Variants in DMD observed in about 807,000 individuals in gnomAD.
DMD encodes mutant dystrophin.
Under a neutral mutation model 330.1 loss-of-function variants are expected in DMD, and 63 were observed. The ratio of observed to expected loss-of-function variants is 0.19; its 90% confidence interval spans 0.16 to 0.24. The LOEUF (loss-of-function observed/expected upper bound fraction) is 0.24, where lower values mean the gene tolerates loss of function less well. Among genes scored for constraint, DMD ranks in the 10% least tolerant of loss-of-function variants. The pLI is 1.00. For missense variants in DMD, 3,344 were observed against 2,684.1 expected (o/e 1.25, Z -5.43); for synonymous variants, 1,223 against 959.8 (o/e 1.27, Z -5.07).
At chrX:32,043,338 A>C (rs1348552601) in intron 44 of DMD, among the ~76,000 whole-genome samples, 2 of 111,367 alleles carry the variant, frequency 1.8e-5, no homozygotes, top group East Asian at 5.7e-4. Flanking sequence ...CTCAGTGGAT[A>C]GTGACTTTTG....
At chrX:33,006,391 A>G (rs753824121) in intron 2 of DMD, among the ~76,000 whole-genome samples, 12 of 112,237 alleles carry the variant, frequency 1.1e-4, no homozygotes, top group Non-Finnish European at 2.1e-4. Flanking sequence ...GCAAAATAAT[A>G]GACAAATACA....
chrX:33,251,451 G>C (rs1207976008), intron 1 of DMD, among the ~76,000 whole-genome samples: 1 of 111,489 alleles, frequency 9.0e-6, no homozygotes, highest in African/African-American at 3.3e-5. Flanking sequence ...TGATTGGCCA[G>C]GCTAATCATG....
intron 42 of DMD, among the ~76,000 whole-genome samples, chrX:32,292,712 A>G (rs760472545): frequency 8.9e-6 from 1 of 112,059 alleles, no homozygotes; most frequent in South Asian, 3.7e-4. Flanking sequence ...AAACTTCACA[A>G]TCAGAGAGGG....
intron 53 of DMD, among the ~76,000 whole-genome samples, chrX:31,674,243 G>A (rs1026022315): frequency 3.6e-5 from 4 of 112,034 alleles, no homozygotes; most frequent in African/African-American, 1.3e-4. Context: ...AAAATGTAAG[G>A]CACTACTTCC....
chrX:32,826,413 A>C (rs1389908289), intron 4 of DMD, among the ~76,000 whole-genome samples: 2 of 111,709 alleles, frequency 1.8e-5, no homozygotes, highest in East Asian at 5.6e-4. Flanking sequence ...TACTCAAAAT[A>C]GCGAAGATAG....
chrX:32,078,457 T>A (rs773948975), intron 44 of DMD, among the ~76,000 whole-genome samples: 35 of 111,979 alleles, frequency 3.1e-4, no homozygotes, highest in African/African-American at 1.1e-3. Context: ...AAGCTAATAC[T>A]CTCCAATCAC....
chrX:33,009,425 T>C (rs2093552511), intron 2 of DMD, among the ~76,000 whole-genome samples: 2 of 33,630 alleles, frequency 5.9e-5, no homozygotes, highest in Non-Finnish European at 1.2e-4. Flanking sequence ...CATGTGTGTA[T>C]ATGTATGTGT....
In DMD at chrX:33,041,600, G is replaced by T. The variant is rs1382697017; in HGVS notation, c.32-21400C>A. 8 of 1,207,889 alleles carry T rather than the reference G, an allele frequency of 6.6e-6. No homozygotes were observed. In the Admixed American group the frequency reaches 1.3e-4, roughly 20 times the overall value. Reference sequence around the variant, plus strand: ...CGGATGATGATCCCAGATTGCCAGCGCAGGTTGGAAGCCGCATATTTGGAT... The same window carrying T: ...CGGATGATGATCCCAGATTGCCAGCTCAGGTTGGAAGCCGCATATTTGGAT... On this transcript the variant is annotated intron_variant, in intron 1 of 78. Transcript: ENST00000357033.
At chrX:33,120,878 CAAAAAAAAAAA>C (rs1171070469) in intron 1 of DMD, among the ~76,000 whole-genome samples, 2 of 36,689 alleles carry the variant, frequency 5.5e-5, no homozygotes, top group Non-Finnish European at 8.4e-5. Flanking sequence ...ATGACTCTCT[CAAAAAAAAAAA>C]AAAAAAAAAA....
At chrX:31,201,203 A>G (rs970861779) in intron 67 of DMD, among the ~76,000 whole-genome samples, 3 of 107,505 alleles carry the variant, frequency 2.8e-5, no homozygotes, top group Non-Finnish European at 3.9e-5. Flanking sequence ...ACACACGCAC[A>G]CACACACACA....
intron 55 of DMD, among the ~76,000 whole-genome samples, chrX:31,543,587 T>C (rs1415057007): frequency 3.5e-5 from 4 of 112,690 alleles, no homozygotes; most frequent in Admixed American, 1.9e-4. Flanking sequence ...AATACATTTC[T>C]ATTTTGTTTA....
At chrX:31,184,410 T>C (rs1018354113) in intron 67 of DMD, among the ~76,000 whole-genome samples, 1 of 106,274 alleles carries the variant, frequency 9.4e-6, no homozygotes, top group Non-Finnish European at 1.9e-5. Flanking sequence ...AAAACCACAA[T>C]GAGATACCAT....
At chrX:31,552,800 A>T (rs1037138498) in intron 55 of DMD, among the ~76,000 whole-genome samples, 9 of 112,042 alleles carry the variant, frequency 8.0e-5, no homozygotes, top group Non-Finnish European at 7.5e-5. Context: ...CAAATTTCTT[A>T]TCTATTTCCT....
intron 60 of DMD, among the ~76,000 whole-genome samples, chrX:31,379,183 C>T (rs1042455151): frequency 3.6e-5 from 4 of 109,791 alleles, no homozygotes; most frequent in Non-Finnish European, 5.7e-5. Flanking sequence ...CTCCCCTCCT[C>T]GCCAGGCCCA....
intron 55 of DMD, among the ~76,000 whole-genome samples, chrX:31,525,611 AT>A (rs1427927617): frequency 8.9e-6 from 1 of 112,248 alleles, no homozygotes; most frequent in African/African-American, 3.2e-5. Context: ...GTAAAATAAC[AT>A]CTTTGTAGGC....
In DMD at chrX:31,908,710, G is replaced by GTA. The variant is rs1467588301; in HGVS notation, c.6912+20884_6912+20885dup. On this transcript the variant is annotated intron_variant, in intron 47 of 78. Transcript: ENST00000357033. ...GTGCACATGTACCCTAGAACTTCAAGTATATATATATACTTATATATATAC... is the reference window on the plus strand; with the variant it reads ...GTGCACATGTACCCTAGAACTTCAAGTATATATATATATACTTATATATATAC... Among the ~76,000 whole-genome samples the GTA allele has an allele frequency of 4.1e-4, 45 of 109,961 alleles. No homozygotes were observed. The East Asian group carries it at 8.2e-3, about 20-fold the overall frequency.
chrX:33,031,424 T>C (rs969069360), intron 1 of DMD, among the ~76,000 whole-genome samples: 1 of 110,909 alleles, frequency 9.0e-6, no homozygotes, highest in African/African-American at 3.3e-5. Flanking sequence ...CTCTCTGTAG[T>C]GGAATTTGGG....
chrX:31,228,792 T>C (rs901469218), intron 63 of DMD, among the ~76,000 whole-genome samples: 1 of 111,811 alleles, frequency 8.9e-6, no homozygotes, highest in East Asian at 2.8e-4. Flanking sequence ...AGTTACGCCA[T>C]GTTTCCATGG....
intron 11 of DMD, among the ~76,000 whole-genome samples, chrX:32,637,285 G>A (rs2059165313): frequency 8.9e-6 from 1 of 111,845 alleles, no homozygotes; most frequent in Non-Finnish European, 1.9e-5. Context: ...ACAGTGCCTG[G>A]CACATACTAC....
Sources: gnomAD v4.1 joint callset for allele counts (sites outside exome capture counted in the v4.1 genomes callset) on GRCh38, gnomAD v4.1.1 for gene constraint, MANE v1.5 for transcripts, NCBI Gene and HGNC (gene_info 2026-07-23, HGNC 2026-07-21) for gene names.